Variants in TRPM3 observed in about 807,000 individuals in gnomAD.
The protein encoded by TRPM3 is long transient receptor potential channel 3.
In TRPM3, 77 loss-of-function variants were observed where a neutral mutation model predicts 181.2. The ratio of observed to expected loss-of-function variants is 0.42; its 90% CI spans 0.35 to 0.51. TRPM3 has a LOEUF of 0.51. TRPM3 is among the 20% of genes least tolerant of loss of function. The probability of loss-of-function intolerance (pLI) is 0.01; values close to 1 mark genes in which losing one functional copy is unlikely to be tolerated. For synonymous variants in TRPM3, 745 were observed against 796.4 expected, an observed-to-expected ratio of 0.94 and a Z score of 1.09; for missense variants, 1,759 against 2,196.7, an observed-to-expected ratio of 0.80 and a Z score of 3.98.
chr9:71,050,804 A>G (rs957057725), intron 1 of TRPM3, among the ~76,000 whole-genome samples: 1 of 152,198 alleles, frequency 6.6e-6, no homozygotes. Context: ...CACAGCCCTC[A>G]TCTTGGCCTC....
chr9:70,741,203 T>C (rs1232214093), intron 8 of TRPM3, among the ~76,000 whole-genome samples: 1 of 151,988 alleles, frequency 6.6e-6, no homozygotes, highest in Non-Finnish European at 1.5e-5. Context: ...CCAACACATA[T>C]GAAAAAATGC....
chr9:71,107,275 C>T (rs376141869), intron 1 of TRPM3, among the ~76,000 whole-genome samples: 10 of 152,268 alleles, frequency 6.6e-5, no homozygotes, highest in East Asian at 1.9e-4. Context: ...CTCTAGCATG[C>T]GTCCTTGCCT....
intron 8 of TRPM3, among the ~76,000 whole-genome samples, chr9:70,753,355 GT>G (rs1388618266): frequency 6.6e-6 from 1 of 152,136 alleles, no homozygotes; most frequent in Non-Finnish European, 1.5e-5. Context: ...AGTGGCTGTG[GT>G]TTGAAACTTG....
rs2071316981 is a variant in TRPM3 at position 71,112,395 on chromosome 9, T to C, written c.177+8783A>G. Reference sequence around the variant, plus strand: ...GATTCTTCCTTGAGTACATATTTTATTCTGGGTCACTTTCACTGAGCACGA... The same window carrying C: ...GATTCTTCCTTGAGTACATATTTTACTCTGGGTCACTTTCACTGAGCACGA... On this transcript the variant is annotated intron_variant, in intron 1 of 25. Transcript: ENST00000677713. Among the ~76,000 whole-genome samples, 3 of 152,192 alleles carry C rather than the reference T, an allele frequency of 2.0e-5. 1 individual carries two copies. In the South Asian group the frequency reaches 6.2e-4, roughly 32 times the overall value.
chr9:71,096,367 G>A (rs1289564629), intron 1 of TRPM3, among the ~76,000 whole-genome samples: 1 of 150,536 alleles, frequency 6.6e-6, no homozygotes, highest in East Asian at 1.9e-4. Flanking sequence ...CATGTCCATG[G>A]TTAAATTTTT....
At chr9:70,753,085 C>A (rs553279674) in intron 8 of TRPM3, among the ~76,000 whole-genome samples, 1 of 151,946 alleles carries the variant, frequency 6.6e-6, no homozygotes, top group Non-Finnish European at 1.5e-5. Context: ...CCATCCTGGG[C>A]GACAGAGCAA....
chr9:70,635,149 C>G (rs1477003845), intron 12 of TRPM3, 62 bp downstream of exon 12: 1 of 1,478,904 alleles, frequency 6.8e-7, no homozygotes, highest in African/African-American at 1.4e-5. Flanking sequence ...AACAGAGGCA[C>G]TCTCTAATCA....
intron 1 of TRPM3, among the ~76,000 whole-genome samples, chr9:71,388,789 T>C (rs934590075): frequency 6.6e-6 from 1 of 152,128 alleles, no homozygotes; most frequent in Admixed American, 6.6e-5. Flanking sequence ...GTGGCTTCAG[T>C]GCCCCAGGAG....
At chr9:70,618,618 C>A (rs548152134) in intron 17 of TRPM3, among the ~76,000 whole-genome samples, 2 of 152,134 alleles carry the variant, frequency 1.3e-5, no homozygotes, top group African/African-American at 2.4e-5. Flanking sequence ...TTGACTCCTC[C>A]GAAAAATATT....
Position 71,286,918 on chromosome 9 carries a change from C to T in TRPM3, c.183+159735G>A, listed in dbSNP as rs1460999907. ...ACCTCTCACAGAAGCATTCTTTGAC[C>T]ACGATATACTTTTATATATATATAA... On this transcript the variant is annotated intron_variant, in intron 1 of 24. Transcript: ENST00000357533. Among the ~76,000 whole-genome samples the T allele has an allele frequency of 4.8e-5, 5 of 104,310 alleles. 1 individual carries two copies. The highest frequency in any genetic ancestry group is 3.5e-4 in the Admixed American group (4 of 11,390). The allele number at this position is 104,310 out of a possible 152,430, so 68.4% of individuals were successfully genotyped here. A position where few individuals can be genotyped will look rare whatever the true frequency, so the allele number is the denominator to read the frequency against.
At chr9:70,642,551 G>C (rs1227172916) in intron 9 of TRPM3, among the ~76,000 whole-genome samples, 1 of 152,144 alleles carries the variant, frequency 6.6e-6, no homozygotes, top group Non-Finnish European at 1.5e-5. Context: ...CTTCGCTCAG[G>C]GTGCATCCCA....
chr9:71,353,076 C>A (rs1307856368), intron 1 of TRPM3, among the ~76,000 whole-genome samples: 1 of 152,110 alleles, frequency 6.6e-6, no homozygotes, highest in African/African-American at 2.4e-5. Context: ...AGTTTAACAG[C>A]TGGCTCTAGA....
At chr9:71,403,581 G>A (rs979572721) in intron 1 of TRPM3, among the ~76,000 whole-genome samples, 3 of 152,062 alleles carry the variant, frequency 2.0e-5, no homozygotes, top group African/African-American at 2.4e-5. Flanking sequence ...TTTCGTTGAC[G>A]CTTCACCACA....
intron 1 of TRPM3, among the ~76,000 whole-genome samples, chr9:70,950,847 C>T (rs2096990355): frequency 6.6e-6 from 1 of 152,120 alleles, no homozygotes; most frequent in Non-Finnish European, 1.5e-5. Flanking sequence ...CTTTCCTGAT[C>T]TCTTACAGGA....
chr9:70,660,215 A>C (rs961504479), intron 9 of TRPM3, among the ~76,000 whole-genome samples: 1 of 152,110 alleles, frequency 6.6e-6, no homozygotes, highest in African/African-American at 2.4e-5. Context: ...CCTCCAAATC[A>C]CTGAGCTAAA....
In TRPM3 at chr9:70,898,762, A is replaced by G. The variant is rs551343774; in HGVS notation, c.178-34251T>C. 4.0e-3 allele frequency among the ~76,000 whole-genome samples: 571 copies of G among 143,048 alleles called. 3 individuals are homozygous for G. The highest frequency in any genetic ancestry group is 7.6e-3 in the Middle Eastern group (2 of 262). 93.8% of individuals were successfully genotyped at this position (143,048 alleles called of 152,430 possible). A position where few individuals can be genotyped will look rare whatever the true frequency, so the allele number is the denominator to read the frequency against. On this transcript the variant is annotated intron_variant, in intron 1 of 25. Coordinates refer to ENST00000677713, the MANE Select transcript of TRPM3 (RefSeq NM_001366145.2). The stretch of plus-strand genomic sequence containing the variant: ...GACTTCATCTCAAAAAAAAAAAAAA[A>G]AAAAGAAAAGAAAAGAAAAGAAAAG...
chr9:71,415,033 C>T (rs1242862312), intron 1 of TRPM3, among the ~76,000 whole-genome samples: 6 of 151,936 alleles, frequency 3.9e-5, no homozygotes, highest in African/African-American at 1.2e-4. Flanking sequence ...GGAAGATTTT[C>T]CTGGATTATC....
At position 71,043,659 on chromosome 9, in the gene TRPM3, G is replaced by A. The variant is rs547955210; in HGVS notation, c.177+77519C>T. On this transcript the variant is annotated intron_variant, in intron 1 of 25. Coordinates refer to ENST00000677713, the MANE Select transcript of TRPM3 (RefSeq NM_001366145.2). ...TATTGAAATGATTTCCAAAATTTGC[G>A]CCTGGACTAGCAACATCAGCATCAG... 5.9e-5 allele frequency among the ~76,000 whole-genome samples: 9 copies of A among 152,150 alleles called. No individual in the cohort carries two copies. In the South Asian group the frequency reaches 6.2e-4, roughly 11 times the overall value.
chr9:71,335,955 G>T (rs1271576327), intron 1 of TRPM3, among the ~76,000 whole-genome samples: 8 of 152,108 alleles, frequency 5.3e-5, no homozygotes, highest in Admixed American at 4.6e-4. Context: ...AGATTGATCA[G>T]TCCAGGAGAA....
Sources: allele counts gnomAD v4.1 joint callset (sites outside exome capture counted in the v4.1 genomes callset), GRCh38; gene constraint gnomAD v4.1.1; transcripts MANE v1.5; gene names NCBI Gene and HGNC (gene_info 2026-07-23, HGNC 2026-07-21).